The following OPCML variants were observed in gnomAD, a reference collection of about 807,000 sequenced individuals.
OPCML encodes opioid-binding protein/cell adhesion molecule.
A neutral mutation model predicts 37.8 loss-of-function variants in OPCML; 13 were observed. The ratio of observed to expected loss-of-function variants is 0.34; its 90% confidence interval spans 0.22 to 0.55. The LOEUF (loss-of-function observed/expected upper bound fraction) is 0.55. Ranked by LOEUF, OPCML falls within the 20% of genes least tolerant of loss-of-function variation. The pLI is 0.91. For missense variants in OPCML, 341 were observed against 435.6 expected, an observed-to-expected ratio of 0.78 and a Z score of 1.93; for synonymous variants, 176 against 168.8, an observed-to-expected ratio of 1.04 and a Z score of -0.33.
chr11:133,252,178 T>G (rs889774850), intron 1 of OPCML, among the ~76,000 whole-genome samples: 2 of 152,356 alleles, frequency 1.3e-5, no homozygotes, highest in African/African-American at 2.4e-5. Flanking sequence ...GATTAATTCC[T>G]AATGGAAATT....
chr11:132,477,580 T>A (rs1168140460), intron 4 of OPCML, among the ~76,000 whole-genome samples: 1 of 152,188 alleles, frequency 6.6e-6, no homozygotes, highest in East Asian at 1.9e-4. Context: ...GGCAAAGCTG[T>A]CCCTGTTTTT....
intron 1 of OPCML, among the ~76,000 whole-genome samples, chr11:132,944,780 C>T (rs2136683362): frequency 6.6e-6 from 1 of 152,284 alleles, no homozygotes; most frequent in African/African-American, 2.4e-5. Context: ...CCCTTGGGCC[C>T]CTCGGGAGGC....
chr11:132,777,567 G>T (rs1010195758), intron 2 of OPCML, among the ~76,000 whole-genome samples: 1 of 152,128 alleles, frequency 6.6e-6, no homozygotes, highest in African/African-American at 2.4e-5. Context: ...TTTATACTAT[G>T]TTGCATAATT....
At chr11:132,752,067 T>C (rs931851143) in intron 2 of OPCML, among the ~76,000 whole-genome samples, 1 of 152,154 alleles carries the variant, frequency 6.6e-6, no homozygotes, top group Non-Finnish European at 1.5e-5. Flanking sequence ...GACAGGATGT[T>C]GGCAACAAAC....
intron 2 of OPCML, among the ~76,000 whole-genome samples, chr11:132,696,219 T>A (rs1374267560): frequency 6.6e-6 from 1 of 152,212 alleles, no homozygotes; most frequent in East Asian, 1.9e-4. Context: ...TGCCCATAAA[T>A]GAGCTTAATC....
chr11:133,189,826 AC>A (rs1938231295), intron 1 of OPCML, among the ~76,000 whole-genome samples: 1 of 152,190 alleles, frequency 6.6e-6, no homozygotes, highest in Non-Finnish European at 1.5e-5. Flanking sequence ...AACAAAACAA[AC>A]AAACAAAACA....
chr11:133,289,176 G>T (rs1942388914), intron 1 of OPCML, among the ~76,000 whole-genome samples: 1 of 152,168 alleles, frequency 6.6e-6, no homozygotes, highest in Non-Finnish European at 1.5e-5. Context: ...GATACCATTT[G>T]TTTGTTAATT....
chr11:133,162,569 G>C (rs1180746509), intron 1 of OPCML, among the ~76,000 whole-genome samples: 1 of 151,356 alleles, frequency 6.6e-6, no homozygotes, highest in African/African-American at 2.4e-5. Context: ...CTGCCGGCTT[G>C]TTTAGAAACA....
chr11:133,226,492 AC>A (rs1940045595), intron 1 of OPCML, among the ~76,000 whole-genome samples: 1 of 152,246 alleles, frequency 6.6e-6, no homozygotes, highest in South Asian at 2.1e-4. Context: ...TTCCATCCCG[AC>A]ATGGCGGTCC....
chr11:133,414,448 C>T (rs1022424358), intron 1 of OPCML, among the ~76,000 whole-genome samples: 2 of 152,150 alleles, frequency 1.3e-5, no homozygotes, highest in Admixed American at 1.3e-4. Context: ...TGCTTTCAGT[C>T]ATTCTCCCAT....
chr11:132,944,503 T>A (rs2136682414), intron 1 of OPCML, among the ~76,000 whole-genome samples: 2 of 152,286 alleles, frequency 1.3e-5, no homozygotes, highest in Non-Finnish European at 2.9e-5. Context: ...ACTGGACGCC[T>A]GTCCCCAAAG....
intron 2 of OPCML, among the ~76,000 whole-genome samples, chr11:132,664,058 T>C (rs1482190981): frequency 1.3e-5 from 2 of 152,140 alleles, no homozygotes; most frequent in Non-Finnish European, 2.9e-5. Flanking sequence ...GGTCTCGATC[T>C]CCTGACCTCA....
intron 2 of OPCML, among the ~76,000 whole-genome samples, chr11:132,937,674 CAG>C (rs571346313): frequency 6.7e-6 from 1 of 149,812 alleles, no homozygotes; most frequent in Admixed American, 6.7e-5. Context: ...TCAGGGATGT[CAG>C]AGAGTGTCAC....
intron 1 of OPCML, among the ~76,000 whole-genome samples, chr11:133,484,116 AGATAGATGATT>A (rs1947473786): frequency 9.3e-6 from 1 of 108,018 alleles, no homozygotes; most frequent in Admixed American, 9.4e-5. Context: ...GATAGATGAT[AGATAGATGATT>A]GATAGATAGA....
intron 2 of OPCML, among the ~76,000 whole-genome samples, chr11:132,824,773 A>T (rs1303245955): frequency 2.0e-5 from 3 of 152,184 alleles, no homozygotes; most frequent in Admixed American, 2.0e-4. Flanking sequence ...AACAACAAAA[A>T]AATCAACCAC....
intron 2 of OPCML, among the ~76,000 whole-genome samples, chr11:132,740,009 T>C (rs376747504): frequency 7.9e-5 from 12 of 152,154 alleles, no homozygotes; most frequent in African/African-American, 2.9e-4. Flanking sequence ...CCCCACCCTG[T>C]GCAAAAAAGA....
At chr11:132,970,455 G>A (rs1374799184) in intron 1 of OPCML, among the ~76,000 whole-genome samples, 1 of 152,036 alleles carries the variant, frequency 6.6e-6, no homozygotes, top group Non-Finnish European at 1.5e-5. Context: ...CAGTTTTTGA[G>A]AACTCCAGAA....
chr11:133,192,826 C>A (rs1938376868), intron 1 of OPCML, among the ~76,000 whole-genome samples: 1 of 151,810 alleles, frequency 6.6e-6, no homozygotes, highest in Non-Finnish European at 1.5e-5. Context: ...TATCTGGTAA[C>A]CTCCAATCAA....
chr11:133,339,997 C>T (rs1372844295), intron 1 of OPCML, among the ~76,000 whole-genome samples: 2 of 152,238 alleles, frequency 1.3e-5, no homozygotes, highest in Non-Finnish European at 2.9e-5. Flanking sequence ...ACCACACTGA[C>T]TCAAACCATG....
Sources: allele counts gnomAD v4.1 joint callset (sites outside exome capture counted in the v4.1 genomes callset), GRCh38; gene constraint gnomAD v4.1.1; transcripts MANE v1.5; gene names NCBI Gene and HGNC (gene_info 2026-07-23, HGNC 2026-07-21).